The following COMMD10 variants were observed in gnomAD, a reference collection of about 807,000 sequenced individuals.
COMMD10 encodes the protein COMM domain containing 10.
In COMMD10, 33 loss-of-function variants were observed where a neutral mutation model predicts 28.9. The ratio of observed to expected loss-of-function variants is 1.14; its 90% CI spans 0.87 to 1.53. COMMD10 has a LOEUF of 1.53. Among genes scored for constraint, COMMD10 ranks in the 40% most tolerant of loss-of-function variants. COMMD10 has a pLI of 0.00. For synonymous variants in COMMD10, 110 were observed against 81.7 expected (o/e 1.35, Z -1.87); for missense variants, 310 against 233.4 (o/e 1.33, Z -2.14).
intron 4 of COMMD10, among the ~76,000 whole-genome samples, chr5:116,095,105 A>G (rs1182403339): frequency 1.3e-5 from 2 of 152,142 alleles, no homozygotes. Context: ...TTAATGTTTG[A>G]TAGTTTAGTA....
chr5:116,151,596 G>T (rs997428870), intron 5 of COMMD10, among the ~76,000 whole-genome samples: 4 of 152,180 alleles, frequency 2.6e-5, no homozygotes, highest in Admixed American at 6.6e-5. Flanking sequence ...GAGTGTATAT[G>T]TGTCGAGGAA....
intron 5 of COMMD10, among the ~76,000 whole-genome samples, chr5:116,151,709 T>C (rs1245033611): frequency 6.6e-6 from 1 of 152,166 alleles, no homozygotes; most frequent in Non-Finnish European, 1.5e-5. Flanking sequence ...TGATATCCCC[T>C]TTATCATTTT....
At chr5:116,269,091 T>TATA (rs921367249) in intron 5 of COMMD10, among the ~76,000 whole-genome samples, 1 of 151,672 alleles carries the variant, frequency 6.6e-6, no homozygotes, top group Non-Finnish European at 1.5e-5. Flanking sequence ...GAGCTTAAAG[T>TATA]ATAATAATAA....
intron 5 of COMMD10, among the ~76,000 whole-genome samples, chr5:116,290,464 A>T (rs767110684): frequency 1.9e-4 from 29 of 151,914 alleles, no homozygotes; most frequent in Non-Finnish European, 2.9e-5. Context: ...TTTTCTGAAC[A>T]TAGCCCCATT....
chr5:116,106,458 C>T (rs1750842103), intron 4 of COMMD10, among the ~76,000 whole-genome samples: 1 of 152,138 alleles, frequency 6.6e-6, no homozygotes, highest in Non-Finnish European at 1.5e-5. Flanking sequence ...AATGTATATT[C>T]TGTTGATTTG....
intron 5 of COMMD10, among the ~76,000 whole-genome samples, chr5:116,242,525 T>G (rs1451438716): frequency 6.6e-6 from 1 of 152,108 alleles, no homozygotes; most frequent in African/African-American, 2.4e-5. Flanking sequence ...TTAGATTGAG[T>G]TTTTTCTCAA....
chr5:116,222,538 A>T (rs1749288053), intron 5 of COMMD10, among the ~76,000 whole-genome samples: 1 of 152,164 alleles, frequency 6.6e-6, no homozygotes, highest in Non-Finnish European at 1.5e-5. Context: ...TAAAGTTGAC[A>T]CTATGTTTTA....
chr5:116,128,917 C>T (rs528513972), intron 4 of COMMD10, among the ~76,000 whole-genome samples: 15 of 151,946 alleles, frequency 9.9e-5, no homozygotes, highest in Non-Finnish European at 2.1e-4. Flanking sequence ...GAATATCACA[C>T]CTACAGGTGC....
chr5:116,180,172 G>C lies in COMMD10; in HGVS notation c.510+45994G>C, dbSNP rs187292435. On this transcript the variant is annotated intron_variant, in intron 5 of 6. Coordinates refer to ENST00000274458, the MANE Select transcript of COMMD10 (RefSeq NM_016144.4). ...TGATTATATCTGTTGTATACACTTA[G>C]AGACGCTTGGGTTACCTCTGTACAT... 5.3e-5 allele frequency among the ~76,000 whole-genome samples: 8 copies of C among 152,126 alleles called. No homozygotes were observed. The East Asian group carries it at 1.4e-3, about 26-fold the overall frequency.
chr5:116,180,317 C>T (rs1052025878), intron 5 of COMMD10, among the ~76,000 whole-genome samples: 2 of 152,030 alleles, frequency 1.3e-5, no homozygotes, highest in African/African-American at 2.4e-5. Flanking sequence ...TTGTAATTGT[C>T]ACTGATCCAT....
intron 4 of COMMD10, 103 bp from the exon 5 acceptor site, chr5:116,133,965 C>T (rs1411451300): frequency 1.0e-5 from 7 of 701,206 alleles, no homozygotes; most frequent in Middle Eastern, 2.4e-4. Context: ...TCTGTGAAGC[C>T]TAGGCTATCC....
chr5:116,216,468 A>G (rs545050082), intron 5 of COMMD10, among the ~76,000 whole-genome samples: 1 of 152,328 alleles, frequency 6.6e-6, no homozygotes, highest in Non-Finnish European at 1.5e-5. Flanking sequence ...CACTAGAACT[A>G]TTACAAACAT....
intron 5 of COMMD10, among the ~76,000 whole-genome samples, chr5:116,217,384 C>T (rs1026076486): frequency 1.1e-4 from 16 of 152,188 alleles, no homozygotes; most frequent in African/African-American, 3.1e-4. Context: ...AAGTCTTCAT[C>T]TGATGCTCTG....
intron 5 of COMMD10, among the ~76,000 whole-genome samples, chr5:116,148,122 A>C (rs898367661): frequency 6.6e-6 from 1 of 151,846 alleles, no homozygotes; most frequent in Non-Finnish European, 1.5e-5. Flanking sequence ...ATATACTAAC[A>C]TGTTGACTAA....
intron 5 of COMMD10, among the ~76,000 whole-genome samples, chr5:116,200,367 G>A (rs1291155584): frequency 1.3e-5 from 2 of 151,798 alleles, no homozygotes; most frequent in Non-Finnish European, 2.9e-5. Flanking sequence ...CTTTATCTTC[G>A]ATTTTCTGTA....
intron 5 of COMMD10, among the ~76,000 whole-genome samples, chr5:116,152,644 C>T (rs577512112): frequency 6.6e-6 from 1 of 152,132 alleles, no homozygotes; most frequent in East Asian, 1.9e-4. Flanking sequence ...GAGAATAAAA[C>T]ATCTTTTAAA....
At chr5:116,248,452 G>T (rs544713666) in intron 5 of COMMD10, among the ~76,000 whole-genome samples, 1 of 152,146 alleles carries the variant, frequency 6.6e-6, no homozygotes, top group Admixed American at 6.6e-5. Flanking sequence ...ACTCCGGAAA[G>T]GTAAAGGAAG....
rs771005935 is a variant in COMMD10, at chr5:116,289,001, C to T, written c.511-2516C>T. On this transcript the variant is annotated intron_variant, in intron 5 of 6. Coordinates refer to ENST00000274458, the MANE Select transcript of COMMD10 (RefSeq NM_016144.4). Reference sequence around the variant, plus strand: ...GGTTCAAGTGATTCTCCTGCCTCAGCCTCCTGAGTAGCTGGGATTAAAGGT... The same window carrying T: ...GGTTCAAGTGATTCTCCTGCCTCAGTCTCCTGAGTAGCTGGGATTAAAGGT... Among the ~76,000 whole-genome samples the T allele has an allele frequency of 5.3e-5, 8 of 150,584 alleles. No individual in the cohort carries two copies. In the South Asian group the frequency reaches 8.4e-4, roughly 16 times the overall value.
At chr5:116,142,109 T>C (rs1487042624) in intron 5 of COMMD10, among the ~76,000 whole-genome samples, 1 of 151,886 alleles carries the variant, frequency 6.6e-6, no homozygotes, top group Admixed American at 6.6e-5. Flanking sequence ...TGTTTTATTT[T>C]ATTTAGTGTT....
Sources: gnomAD v4.1 joint callset for allele counts (sites outside exome capture counted in the v4.1 genomes callset) on GRCh38, gnomAD v4.1.1 for gene constraint, MANE v1.5 for transcripts, NCBI Gene and HGNC (gene_info 2026-07-23, HGNC 2026-07-21) for gene names.